Variants in LAMP1 observed in about 807,000 individuals in gnomAD.
LAMP1 encodes lysosome associated membrane protein 1, also known as lysosome-associated membrane glycoprotein 1.
Under a neutral mutation model 37.5 loss-of-function variants are expected in LAMP1, and 7 were observed. The observed-to-expected ratio is 0.19, with a 90% CI of 0.11 to 0.35. The LOEUF (loss-of-function observed/expected upper bound fraction) is 0.35. Among genes scored for constraint, LAMP1 ranks in the 10% least tolerant of loss-of-function variants. The pLI, the probability that LAMP1 is intolerant of heterozygous loss-of-function variation, is 1.00. For synonymous variants in LAMP1, 236 were observed against 229.1 expected (o/e 1.03, Z -0.27); for missense variants, 537 against 552.8 (o/e 0.97, Z 0.29).
At chr13:113,313,053 C>A (rs1200683049) in intron 4 of LAMP1, among the ~76,000 whole-genome samples, 1 of 152,152 alleles carries the variant, frequency 6.6e-6, no homozygotes, top group Non-Finnish European at 1.5e-5. Context: ...GGATGCTGAC[C>A]TTGTCCGGGG....
rs1158608278 is a variant in LAMP1, at chr13:113,315,382, C to CTTTTTT, written c.563-4067_563-4062dup. On this transcript the variant is annotated intron_variant, in intron 4 of 8. Transcript: ENST00000332556. ...CACCAGAAAGCCTCATGTATCTTGTCTTTTTTTTTTTTTTTTTTTTTTTTT... is the reference window on the plus strand; with the variant it reads ...CACCAGAAAGCCTCATGTATCTTGTCTTTTTTTTTTTTTTTTTTTTTTTTTTTTTTT... 1.1e-3 allele frequency among the ~76,000 whole-genome samples: 65 copies of CTTTTTT among 60,412 alleles called. 1 individual carries two copies. The highest frequency in any genetic ancestry group is 1.6e-3 in the Non-Finnish European group (51 of 32,296). 39.6% of individuals were successfully genotyped at this position (60,412 alleles called of 152,430 possible).
At chr13:113,315,205 C>T (rs1595461972) in intron 4 of LAMP1, among the ~76,000 whole-genome samples, 3 of 146,284 alleles carry the variant, frequency 2.1e-5, no homozygotes, top group African/African-American at 5.1e-5. Context: ...GTGGAGATGC[C>T]CGTGTGCCTG....
At chr13:113,307,231 C>T (rs1180958311) in intron 2 of LAMP1, among the ~76,000 whole-genome samples, 9 of 149,490 alleles carry the variant, frequency 6.0e-5, no homozygotes, top group African/African-American at 1.5e-4. Context: ...GATCTGAGCT[C>T]GCCACAACCT....
intron 1 of LAMP1, among the ~76,000 whole-genome samples, chr13:113,301,854 A>ATTTTTTTT (rs1595456796): frequency 6.4e-5 from 7 of 108,556 alleles, no homozygotes; most frequent in African/African-American, 2.7e-4. Context: ...CTAAGATGTG[A>ATTTTTTTT]TTTCTTTTTT....
Position 113,306,568 on chromosome 13 carries a change from G to C in LAMP1, c.145G>C (p.Ala49Pro). The C allele has an allele frequency of 6.2e-7, 1 of 1,614,094 alleles. No homozygotes were observed. The highest frequency in any genetic ancestry group is 8.5e-7 in the Non-Finnish European group (1 of 1,179,996). The change falls in exon 2 of 9, where the codon GCC (alanine) becomes CCC (proline). Residue 49 changes from alanine (A) to proline (P), a missense_variant. Coordinates refer to ENST00000332556, the MANE Select transcript of LAMP1 (RefSeq NM_005561.4). Reference sequence around the variant, plus strand: ...GTGCATAATGGCCAACTTCTCTGCTGCCTTCTCAGTGAACTACGACACCAA... The same window carrying C: ...GTGCATAATGGCCAACTTCTCTGCTCCCTTCTCAGTGAACTACGACACCAA... ...TACIMANFSAAFSVNYDTKSG... is the reference protein window; with the variant it reads ...TACIMANFSAPFSVNYDTKSG...
intron 1 of LAMP1, among the ~76,000 whole-genome samples, chr13:113,301,524 G>C (rs1050748643): frequency 3.9e-4 from 59 of 151,466 alleles, no homozygotes; most frequent in African/African-American, 1.3e-3. Context: ...TTGGAAGGCT[G>C]AGGTAGGAGA....
chr13:113,297,864 A>G lies in LAMP1; in HGVS notation c.61+369A>G, dbSNP rs140449646. ...GGCAAGTTGAGGCGGTGAGATCTAG[A>G]CGAGGCTGCGCCGCCGAAGGTGGCA... On this transcript the variant is annotated intron_variant, in intron 1 of 8. Transcript: ENST00000332556. This position sits in a 1 kb window ranked among gnomAD's most constrained non-coding sequence, Gnocchi z 4.4. Among the ~76,000 whole-genome samples, 65 of 152,150 alleles carry G rather than the reference A, an allele frequency of 4.3e-4. No homozygotes were observed. Among genetic ancestry groups the G allele is most frequent in the African/African-American group, 1.5e-3 (61 of 41,538 alleles).
Position 113,309,753 on chromosome 13 carries a change from T to A in LAMP1, c.294T>A (p.His98Gln). Residue 98 changes from histidine (H) to glutamine (Q), a missense_variant, in exon 3 of 9, where the codon CAT (histidine) becomes CAA (glutamine). His to Gln is a conservative substitution (Grantham distance 24, BLOSUM62 0). Coordinates refer to ENST00000332556, the MANE Select transcript of LAMP1 (RefSeq NM_005561.4). ...TCGTGATTGCTTTTGGAAGAGGACATACACTCACTCTCAATTTCACGAGAA... is the reference window on the plus strand; with the variant it reads ...TCGTGATTGCTTTTGGAAGAGGACAAACACTCACTCTCAATTTCACGAGAA... ...PSLVIAFGRG[H>Q]TLTLNFTRNA... The A allele has an allele frequency of 6.2e-7, 1 of 1,614,146 alleles. No homozygotes were observed. Among genetic ancestry groups the A allele is most frequent in the Non-Finnish European group, 8.5e-7 (1 of 1,179,998 alleles).
intron 4 of LAMP1, among the ~76,000 whole-genome samples, chr13:113,315,593 G>T (rs2042658973): frequency 6.6e-6 from 1 of 151,366 alleles, no homozygotes. Context: ...GTTGCACCAT[G>T]TTGGCCAGGC....
At chr13:113,299,992 CCACTATA>C (rs2042562271) in intron 1 of LAMP1, among the ~76,000 whole-genome samples, 1 of 152,144 alleles carries the variant, frequency 6.6e-6, no homozygotes, top group Non-Finnish European at 1.5e-5. Flanking sequence ...TTACAAATTT[CCACTATA>C]TTAATAATTA....
At chr13:113,318,650 T>G (rs1478980363) in intron 4 of LAMP1, among the ~76,000 whole-genome samples, 1 of 152,132 alleles carries the variant, frequency 6.6e-6, no homozygotes, top group Non-Finnish European at 1.5e-5. Context: ...AGAGTCACAT[T>G]CAGACTGCTG....
At chr13:113,310,990 G>A in intron 4 of LAMP1, 123 bp downstream of exon 4, 4 of 734,358 alleles carry the variant, frequency 5.4e-6, no homozygotes, top group Non-Finnish European at 8.9e-6. Context: ...TGTGCACACA[G>A]CCGGCGACGT....
chr13:113,310,643 TAAA>T (rs951842791), intron 3 of LAMP1, 63 bp from the exon 4 acceptor site: 8 of 1,241,856 alleles, frequency 6.4e-6, no homozygotes, highest in South Asian at 6.4e-5. Flanking sequence ...AGGGCTAAAA[TAAA>T]AAACACATAA....
At chr13:113,319,813 G>T (rs958674100) in intron 5 of LAMP1, among the ~76,000 whole-genome samples, 157 bp downstream of exon 5, 1 of 152,222 alleles carries the variant, frequency 6.6e-6, no homozygotes, top group South Asian at 2.1e-4. Context: ...AAGAGCTGGC[G>T]TCTGTGTCAG....
chr13:113,303,985 T>C (rs1462807948), intron 1 of LAMP1, among the ~76,000 whole-genome samples: 1 of 152,136 alleles, frequency 6.6e-6, no homozygotes, highest in African/African-American at 2.4e-5. Context: ...CTCAGGAGGC[T>C]GAGGCACGAG....
In LAMP1 at chr13:113,322,487, C is replaced by T. The variant is rs1595465853; in HGVS notation, c.*66C>T. 13 of 1,469,186 alleles carry T rather than the reference C, an allele frequency of 8.8e-6. No individual in the cohort carries two copies. In the East Asian group the frequency reaches 1.2e-4, roughly 13 times the overall value. The allele number at this position is 1,469,186 out of a possible 1,614,324, so 91.0% of individuals were successfully genotyped here. On this transcript the variant is annotated 3_prime_UTR_variant, in exon 9 of 9. Coordinates refer to ENST00000332556, the MANE Select transcript of LAMP1 (RefSeq NM_005561.4). ...CCTTTCTCTGGGCTTAGGGTCCTGT[C>T]GAAGGGGAGGCACACTTTCTGGCAA...
At chr13:113,313,336 A>G (rs2042641377) in intron 4 of LAMP1, among the ~76,000 whole-genome samples, 2 of 152,324 alleles carry the variant, frequency 1.3e-5, no homozygotes, top group East Asian at 1.9e-4. Context: ...AAGATAGACT[A>G]TTTTTTAGAG....
chr13:113,321,828 C>G lies in LAMP1; in HGVS notation c.1114+101C>G, dbSNP rs1049694239. Reference sequence around the variant, plus strand: ...TTCCGTGTGGGCTGGGGCGACGCCCCTGTTCCTCTGCAAGGAGCTGTTTCT... The same window carrying G: ...TTCCGTGTGGGCTGGGGCGACGCCCGTGTTCCTCTGCAAGGAGCTGTTTCT... On this transcript the variant is annotated intron_variant, in intron 8 of 8. Coordinates refer to ENST00000332556, the MANE Select transcript of LAMP1 (RefSeq NM_005561.4). The surrounding 1 kb of genome is among the most constrained non-coding windows in gnomAD (Gnocchi z 5.6). 12 of 1,175,758 alleles carry G rather than the reference C, an allele frequency of 1.0e-5. No individual in the cohort carries two copies. The African/African-American group carries it at 1.8e-4, about 18-fold the overall frequency. 72.8% of individuals were successfully genotyped at this position (1,175,758 alleles called of 1,614,324 possible).
Position 113,321,441 on chromosome 13 carries a change from A to T in LAMP1, c.914A>T (p.Gln305Leu). The T allele has an allele frequency of 6.2e-7, 1 of 1,614,140 alleles. No individual in the cohort carries two copies. The highest frequency in any genetic ancestry group is 8.5e-7 in the Non-Finnish European group (1 of 1,179,980). ...AGCCGGTTTTTCCTACAAGGAATCC[A>T]GTTGAATACAATTCTTCCTGACGCC... is the stretch of plus-strand genomic sequence containing the variant. ...SSSRFFLQGI[Q>L]LNTILPDARD... Residue 305 changes from glutamine to leucine, a missense_variant, in exon 7 of 9, where the codon CAG (glutamine) becomes CTG (leucine). Gln to Leu is a moderately radical substitution (Grantham distance 113). Coordinates refer to ENST00000332556, the MANE Select transcript of LAMP1 (RefSeq NM_005561.4). The surrounding 1 kb of genome is among the most constrained non-coding windows in gnomAD (Gnocchi z 5.6).
Sources: allele counts gnomAD v4.1 joint callset (sites outside exome capture counted in the v4.1 genomes callset), GRCh38; gene constraint gnomAD v4.1.1; non-coding constraint Gnocchi (gnomAD v3.1); transcripts MANE v1.5; gene names NCBI Gene and HGNC (gene_info 2026-07-23, HGNC 2026-07-21).